Variants in LRRC1 observed in about 807,000 individuals in gnomAD.
LRRC1 encodes leucine-rich repeat-containing protein 1.
A neutral mutation model predicts 69.9 loss-of-function variants in LRRC1; 28 were observed. The ratio of observed to expected loss-of-function variants is 0.40; its 90% confidence interval spans 0.30 to 0.55. LRRC1 has a LOEUF of 0.55. LRRC1 is among the 20% of genes least tolerant of loss of function. The pLI, the probability that LRRC1 is intolerant of heterozygous loss-of-function variation, is 0.47. For synonymous variants in LRRC1, 236 were observed against 240.2 expected, an observed-to-expected ratio of 0.98 and a Z score of 0.16; for missense variants, 498 against 609.0, an observed-to-expected ratio of 0.82 and a Z score of 1.92.
At chr6:53,798,600 C>A (rs779077379) in intron 1 of LRRC1, among the ~76,000 whole-genome samples, 1 of 152,134 alleles carries the variant, frequency 6.6e-6, no homozygotes. Flanking sequence ...AGGATGGTCT[C>A]GATCTCCTGA....
chr6:53,848,732 G>A (rs897798261), intron 2 of LRRC1, among the ~76,000 whole-genome samples: 2 of 151,388 alleles, frequency 1.3e-5, no homozygotes, highest in Admixed American at 6.6e-5. Flanking sequence ...TGAATAAGTT[G>A]TAGGCTTACA....
chr6:53,865,823 G>A (rs759856677), intron 2 of LRRC1, among the ~76,000 whole-genome samples: 1 of 151,502 alleles, frequency 6.6e-6, no homozygotes, highest in Non-Finnish European at 1.5e-5. Context: ...CCAGGATCAC[G>A]TGATTCTTTT....
chr6:53,861,103 C>T (rs1306242862), intron 2 of LRRC1, among the ~76,000 whole-genome samples: 3 of 152,152 alleles, frequency 2.0e-5, no homozygotes, highest in Non-Finnish European at 4.4e-5. Flanking sequence ...TTACCTGGTA[C>T]ACCAGATTCC....
At chr6:53,883,017 G>A in intron 4 of LRRC1, 41 bp downstream of exon 4, 1 of 1,277,546 alleles carries the variant, frequency 7.8e-7, no homozygotes. Context: ...AGGGTGAAAG[G>A]GGGTTTATAT....
At chr6:53,836,564 G>A (rs1045544930) in intron 1 of LRRC1, among the ~76,000 whole-genome samples, 1 of 152,078 alleles carries the variant, frequency 6.6e-6, no homozygotes, top group Non-Finnish European at 1.5e-5. Context: ...TAACTTTGAT[G>A]AATTAAATAA....
intron 1 of LRRC1, among the ~76,000 whole-genome samples, chr6:53,800,251 T>C (rs990015230): frequency 1.3e-4 from 6 of 46,522 alleles, no homozygotes; most frequent in African/African-American, 2.8e-4. Flanking sequence ...CTTTTTCTTT[T>C]TTTTTTTTTT....
intron 1 of LRRC1, among the ~76,000 whole-genome samples, chr6:53,828,169 C>CAAAAAAAAAAAAAAAA (rs35639473): frequency 7.4e-6 from 1 of 135,252 alleles, no homozygotes. Flanking sequence ...GTTCAAAGGC[C>CAAAAAAAAAAAAAAAA]AAAAAAAAAA....
chr6:53,920,462 T>G lies in LRRC1; in HGVS notation c.1280-163T>G, dbSNP rs373185856. On this transcript the variant is annotated intron_variant, in intron 12 of 13. Transcript: ENST00000370888. ...TCTTTTTGTTTTTGAATTTTGTGTG[T>G]GTTTGTGTTTTAAAGCCAAACTTGC... 1.0e-5 allele frequency: 6 copies of G among 601,718 alleles called. No homozygotes were observed. In the African/African-American group the frequency reaches 1.1e-4, roughly 11 times the overall value. 37.3% of individuals were successfully genotyped at this position (601,718 alleles called of 1,614,324 possible).
At chr6:53,842,715 C>T (rs1765828907) in intron 2 of LRRC1, among the ~76,000 whole-genome samples, 1 of 152,138 alleles carries the variant, frequency 6.6e-6, no homozygotes. Context: ...GTTGGTTTCT[C>T]TTGGCTGTGT....
At chr6:53,867,786 C>T (rs1766749863) in intron 2 of LRRC1, among the ~76,000 whole-genome samples, 1 of 151,890 alleles carries the variant, frequency 6.6e-6, no homozygotes, top group African/African-American at 2.4e-5. Context: ...GAGACCCTGT[C>T]TCTACAAAAC....
At chr6:53,843,067 A>T (rs1765838601) in intron 2 of LRRC1, among the ~76,000 whole-genome samples, 1 of 152,174 alleles carries the variant, frequency 6.6e-6, no homozygotes, top group Non-Finnish European at 1.5e-5. Context: ...AAATTAACGT[A>T]GCAACTCCCA....
intron 2 of LRRC1, among the ~76,000 whole-genome samples, chr6:53,857,202 G>A (rs1018418516): frequency 2.0e-4 from 30 of 152,152 alleles, no homozygotes; most frequent in African/African-American, 7.0e-4. Flanking sequence ...TAGGAATGAA[G>A]TCAGTCAGGG....
intron 11 of LRRC1, chr6:53,919,059 T>C (rs1354124681): frequency 1.3e-5 from 2 of 152,642 alleles, no homozygotes; most frequent in Admixed American, 1.3e-4. Context: ...CATCAGGTGC[T>C]CCTGGAAACA....
intron 2 of LRRC1, among the ~76,000 whole-genome samples, chr6:53,866,962 C>T (rs111309589): frequency 2.6e-5 from 4 of 151,926 alleles, no homozygotes; most frequent in African/African-American, 4.8e-5. Context: ...TCAGAGACAG[C>T]GTTATCCTTG....
chr6:53,834,838 G>A (rs572692722), intron 1 of LRRC1, among the ~76,000 whole-genome samples: 28 of 152,202 alleles, frequency 1.8e-4, no homozygotes, highest in African/African-American at 6.0e-4. Flanking sequence ...GGCACACACC[G>A]GTAGTCCCAG....
At chr6:53,843,177 A>G (rs1451245241) in intron 2 of LRRC1, among the ~76,000 whole-genome samples, 2 of 152,116 alleles carry the variant, frequency 1.3e-5, no homozygotes, top group Non-Finnish European at 2.9e-5. Flanking sequence ...TTAAAAAGGT[A>G]ATTCCTTTAT....
intron 2 of LRRC1, among the ~76,000 whole-genome samples, chr6:53,872,650 T>G (rs936236708): frequency 6.6e-6 from 1 of 152,134 alleles, no homozygotes; most frequent in African/African-American, 2.4e-5. Flanking sequence ...AGGATTGTTT[T>G]TTCTATTTCT....
chr6:53,820,802 T>C (rs541230012), intron 1 of LRRC1, among the ~76,000 whole-genome samples: 1 of 152,288 alleles, frequency 6.6e-6, no homozygotes, highest in South Asian at 2.1e-4. Flanking sequence ...GTTTGAAGTG[T>C]ACATGTAGTA....
chr6:53,829,670 A>G (rs1008069296), intron 1 of LRRC1, among the ~76,000 whole-genome samples: 2 of 152,126 alleles, frequency 1.3e-5, no homozygotes, highest in African/African-American at 4.8e-5. Context: ...AAATCTGGGT[A>G]AAAAATTGGA....
Sources: gnomAD v4.1 joint callset for allele counts (sites outside exome capture counted in the v4.1 genomes callset) on GRCh38, gnomAD v4.1.1 for gene constraint, MANE v1.5 for transcripts, NCBI Gene and HGNC (gene_info 2026-07-23, HGNC 2026-07-21) for gene names.